The following BMP7 variants were observed in gnomAD, a reference collection of about 807,000 sequenced individuals.
BMP7 encodes bone morphogenetic protein 7.
In BMP7, 12 loss-of-function variants were observed where a neutral mutation model predicts 41.2. The ratio of observed to expected loss-of-function variants is 0.29; its 90% confidence interval spans 0.19 to 0.47. The LOEUF (loss-of-function observed/expected upper bound fraction) is 0.47. Among genes scored for constraint, BMP7 ranks in the 20% least tolerant of loss-of-function variants. The pLI is 0.99. For synonymous variants in BMP7, 248 were observed against 250.0 expected, an observed-to-expected ratio of 0.99 and a Z score of 0.07; for missense variants, 467 against 606.0, an observed-to-expected ratio of 0.77 and a Z score of 2.41.
At chr20:57,245,136 C>T (rs567416147) in intron 1 of BMP7, among the ~76,000 whole-genome samples, 138 of 152,126 alleles carry the variant, frequency 9.1e-4, no homozygotes, top group Non-Finnish European at 1.6e-3. Flanking sequence ...GTACAAAAGC[C>T]GCCCCAGGGG....
intron 1 of BMP7, 123 bp downstream of exon 1, chr20:57,265,582 A>G (rs1161408779): frequency 7.0e-7 from 1 of 1,435,228 alleles, no homozygotes; most frequent in Non-Finnish European, 9.5e-7. Context: ...ACCCTCGGGC[A>G]GGCACTGCGA....
intron 2 of BMP7, among the ~76,000 whole-genome samples, chr20:57,216,489 C>G (rs73914169): frequency 0.017 from 2,288 of 133,790 alleles, 88 homozygotes; most frequent in African/African-American, 0.079. Flanking sequence ...AGGACGAGGG[C>G]GCTGTCTCCT....
intron 4 of BMP7, among the ~76,000 whole-genome samples, chr20:57,180,639 C>T (rs955716285): frequency 6.6e-6 from 1 of 152,152 alleles, no homozygotes; most frequent in Admixed American, 6.5e-5. Context: ...TTCAAGAGTC[C>T]AGCATAAAAG....
At chr20:57,192,361 T>A (rs937451434) in intron 3 of BMP7, among the ~76,000 whole-genome samples, 1 of 146,888 alleles carries the variant, frequency 6.8e-6, no homozygotes, top group Admixed American at 7.0e-5. Context: ...TATATATATA[T>A]AAAGCACATA....
intron 2 of BMP7, among the ~76,000 whole-genome samples, chr20:57,203,523 AGGTGAATGAGTGGATG>A: frequency 6.6e-6 from 1 of 151,936 alleles, no homozygotes; most frequent in South Asian, 2.1e-4. Flanking sequence ...GTGGGCGGGT[AGGTGAATGAGTGGATG>A]GGTAAATGGG....
chr20:57,248,085 A>C (rs1317760239), intron 1 of BMP7, among the ~76,000 whole-genome samples: 1 of 152,216 alleles, frequency 6.6e-6, no homozygotes, highest in African/African-American at 2.4e-5. Context: ...GGTTAAATTA[A>C]TGTCAATGTG....
rs2066058790 is a variant in BMP7, at chr20:57,238,972, A to G, written c.419-10551T>C. ...TCTGGGAGATACAATTCAAGTTGAG[A>G]TTTGGTGGGGACACAGCCAAACCCA... On this transcript the variant is annotated intron_variant, in intron 1 of 6. Transcript: ENST00000395863. Among the ~76,000 whole-genome samples the G allele has an allele frequency of 1.3e-5, 2 of 152,036 alleles. 1 individual carries two copies. Among genetic ancestry groups the G allele is most frequent in the South Asian group, 4.2e-4 (2 of 4,818 alleles).
At chr20:57,264,492 A>T (rs2066166441) in intron 1 of BMP7, among the ~76,000 whole-genome samples, 1 of 152,176 alleles carries the variant, frequency 6.6e-6, no homozygotes, top group African/African-American at 2.4e-5. Flanking sequence ...TAGTTTGAGC[A>T]AGTCTGGAGA....
At chr20:57,265,209 A>T (rs1234768128) in intron 1 of BMP7, among the ~76,000 whole-genome samples, 1 of 152,184 alleles carries the variant, frequency 6.6e-6, no homozygotes, top group East Asian at 1.9e-4. Context: ...GCGGTACGCT[A>T]AGGCGGGCGC....
intron 2 of BMP7, among the ~76,000 whole-genome samples, chr20:57,208,833 A>T (rs534889226): frequency 6.6e-6 from 1 of 152,230 alleles, no homozygotes. Context: ...GACTTAAAAG[A>T]TTGCATAGTA....
At chr20:57,257,217 A>G (rs929935651) in intron 1 of BMP7, among the ~76,000 whole-genome samples, 11 of 152,192 alleles carry the variant, frequency 7.2e-5, no homozygotes, top group Non-Finnish European at 1.5e-4. Context: ...GTTTCTTCAC[A>G]CACAATAACT....
intron 5 of BMP7, 31 bp from the exon 6 acceptor site, chr20:57,173,341 T>C (rs1568701582): frequency 6.2e-7 from 1 of 1,601,248 alleles, no homozygotes; most frequent in Non-Finnish European, 8.6e-7. Context: ...TGGGAAACCA[T>C]GCAGAAGGCC....
intron 1 of BMP7, among the ~76,000 whole-genome samples, chr20:57,235,021 G>A (rs1165673679): frequency 6.6e-6 from 1 of 152,238 alleles, no homozygotes; most frequent in African/African-American, 2.4e-5. Context: ...CCCGACAGGG[G>A]TCCCTCCCAA....
At chr20:57,184,669 G>A (rs924313573) in intron 3 of BMP7, among the ~76,000 whole-genome samples, 1 of 152,114 alleles carries the variant, frequency 6.6e-6, no homozygotes, top group Non-Finnish European at 1.5e-5. Context: ...TTGCAGATGT[G>A]CTGTCGTCAG....
chr20:57,197,294 T>C (rs1482600752), intron 3 of BMP7, among the ~76,000 whole-genome samples: 1 of 152,060 alleles, frequency 6.6e-6, no homozygotes, highest in African/African-American at 2.4e-5. Context: ...CAGTGAGTCC[T>C]GCAAGAAGCC....
chr20:57,221,605 G>A (rs1288111532), intron 2 of BMP7, among the ~76,000 whole-genome samples: 1 of 152,120 alleles, frequency 6.6e-6, no homozygotes, highest in Admixed American at 6.6e-5. Flanking sequence ...TTGAGGCCAA[G>A]AGTTTGAGAT....
chr20:57,174,316 A>G lies in BMP7; in HGVS notation c.1035+615T>C, dbSNP rs1182229693. ...CAATCCAGTACCTAGAACAGGGCCC[A>G]GAACGCTGCAGATGCTGCATGACTG... On this transcript the variant is annotated intron_variant, in intron 5 of 6. Transcript: ENST00000395863. The surrounding 1 kb of genome is among the most constrained non-coding windows in gnomAD (Gnocchi z 4.3). Among the ~76,000 whole-genome samples the G allele has an allele frequency of 1.3e-5, 2 of 152,258 alleles. No individual in the cohort carries two copies. The highest frequency in any genetic ancestry group is 2.9e-5 in the Non-Finnish European group (2 of 68,048).
At chr20:57,182,736 T>A (rs1984113862) in intron 4 of BMP7, among the ~76,000 whole-genome samples, 1 of 152,258 alleles carries the variant, frequency 6.6e-6, no homozygotes, top group South Asian at 2.1e-4. Flanking sequence ...CACAACATGA[T>A]GGGCTAAAAG....
intron 1 of BMP7, among the ~76,000 whole-genome samples, chr20:57,244,512 G>C (rs1308195931): frequency 2.0e-5 from 3 of 152,242 alleles, no homozygotes; most frequent in Non-Finnish European, 4.4e-5. Flanking sequence ...CTGGGGTTGA[G>C]CGTGGGCCAT....
Sources: gnomAD v4.1 joint callset for allele counts (sites outside exome capture counted in the v4.1 genomes callset) on GRCh38, gnomAD v4.1.1 for gene constraint, Gnocchi (gnomAD v3.1) non-coding constraint, MANE v1.5 for transcripts, NCBI Gene and HGNC (gene_info 2026-07-23, HGNC 2026-07-21) for gene names.